Variants in TNNI3K observed in about 807,000 individuals in gnomAD.
TNNI3K encodes TNNI3 interacting kinase.
In TNNI3K, 140 loss-of-function variants were observed where a neutral mutation model predicts 114.5. The observed-to-expected ratio is 1.22, with a 90% CI of 1.07 to 1.41. The LOEUF (loss-of-function observed/expected upper bound fraction) is 1.41, where lower values mean the gene tolerates loss of function less well. Ranked by LOEUF, TNNI3K falls within the 40% of genes most tolerant of loss-of-function variation. The pLI is 0.00. For missense variants in TNNI3K, 1,125 were observed against 1,007.6 expected, an observed-to-expected ratio of 1.12 and a Z score of -1.58; for synonymous variants, 347 against 347.5, an observed-to-expected ratio of 1.00 and a Z score of 0.02.
At position 74,327,027 on chromosome 1, in the gene TNNI3K, G is replaced by A. The variant is rs182332781; in HGVS notation, c.445-4423G>A. Among the ~76,000 whole-genome samples the A allele has an allele frequency of 7.1e-3, 1,076 of 150,888 alleles. 10 individuals are homozygous for A. Among genetic ancestry groups the A allele is most frequent in the African/African-American group, 0.025 (1,031 of 40,968 alleles). ...ACCTGGGAGGTGGAGGTTGCAGTGA[G>A]CCGAGATTGCGCCACTGCACTTCAG... On this transcript the variant is annotated intron_variant, in intron 5 of 24. Coordinates refer to ENST00000326637, the MANE Select transcript of TNNI3K (RefSeq NM_015978.3).
intron 22 of TNNI3K, among the ~76,000 whole-genome samples, chr1:74,490,781 AT>A (rs1669031446): frequency 6.6e-6 from 1 of 152,248 alleles, no homozygotes; most frequent in Non-Finnish European, 1.5e-5. Flanking sequence ...GACAGAAAGT[AT>A]TTGAAAGCAG....
chr1:74,464,554 T>A (rs986912282), intron 21 of TNNI3K: 4 of 1,445,312 alleles, frequency 2.8e-6, no homozygotes, highest in Non-Finnish European at 3.6e-6. Flanking sequence ...TTTCAGGAAA[T>A]ATCTCACTCA....
chr1:74,397,218 G>T (rs997481283), intron 17 of TNNI3K, among the ~76,000 whole-genome samples: 1 of 151,554 alleles, frequency 6.6e-6, no homozygotes, highest in African/African-American at 2.4e-5. Flanking sequence ...AGAGACAGAA[G>T]AAGAAAATGA....
rs768997216 is a variant in TNNI3K, at chr1:74,354,026, C to A, written c.1074C>A (p.Phe358Leu). ...ACGGTCACATTCGCCTGGTTCAGTT[C>A]TTACTGGATAATGGAGCTGATATGA... is the stretch of plus-strand genomic sequence containing the variant. Reference protein sequence around the residue: ...CYHGHIRLVQFLLDNGADMNL... With the variant: ...CYHGHIRLVQLLLDNGADMNL... The change falls in exon 11 of 25, where the codon TTC (phenylalanine) becomes TTA (leucine). Residue 358 changes from phenylalanine to leucine, a missense_variant. By Grantham distance (22) the Phe-to-Leu change is conservative. Coordinates refer to ENST00000326637, the MANE Select transcript of TNNI3K (RefSeq NM_015978.3). 1.5e-5 allele frequency: 24 copies of A among 1,613,920 alleles called. No homozygotes were observed. In the South Asian group the frequency reaches 2.5e-4, roughly 17 times the overall value.
At chr1:74,305,583 C>A (rs1456936675) in intron 5 of TNNI3K, among the ~76,000 whole-genome samples, 1 of 152,132 alleles carries the variant, frequency 6.6e-6, no homozygotes, top group Non-Finnish European at 1.5e-5. Context: ...TTGAGCAAGG[C>A]AGCCGTCTTC....
chr1:74,329,720 A>G (rs1188278305), intron 5 of TNNI3K, among the ~76,000 whole-genome samples: 2 of 152,060 alleles, frequency 1.3e-5, no homozygotes, highest in Non-Finnish European at 2.9e-5. Context: ...TTAGTTTCCT[A>G]TTGACACTGA....
At chr1:74,282,269 A>G (rs561085701) in intron 5 of TNNI3K, among the ~76,000 whole-genome samples, 3 of 152,202 alleles carry the variant, frequency 2.0e-5, no homozygotes, top group East Asian at 1.9e-4. Context: ...CCCATCTGCT[A>G]CTTATCACTT....
chr1:74,345,033 G>A (rs986659483), intron 9 of TNNI3K, among the ~76,000 whole-genome samples: 1 of 151,834 alleles, frequency 6.6e-6, no homozygotes, highest in Admixed American at 6.6e-5. Flanking sequence ...GTGTGTGCAT[G>A]TATATATGTG....
At chr1:74,273,851 A>G (rs1243667259) in intron 5 of TNNI3K, among the ~76,000 whole-genome samples, 1 of 151,898 alleles carries the variant, frequency 6.6e-6, no homozygotes, top group African/African-American at 2.4e-5. Flanking sequence ...CTCTTCTTAT[A>G]TGGGGGACTA....
chr1:74,455,333 G>A lies in TNNI3K; in HGVS notation c.2012-8108G>A, dbSNP rs574292545. ...GATGATCCAGCAGAAAGCTGTATCAGCAAGGTCCAGAGGCCTGAGAAATCC... is the reference window on the plus strand; with the variant it reads ...GATGATCCAGCAGAAAGCTGTATCAACAAGGTCCAGAGGCCTGAGAAATCC... On this transcript the variant is annotated intron_variant, in intron 20 of 24. Transcript: ENST00000326637. Among the ~76,000 whole-genome samples, 5 of 152,260 alleles carry A rather than the reference G, an allele frequency of 3.3e-5. No homozygotes were observed. In the East Asian group the frequency reaches 7.7e-4, roughly 24 times the overall value.
intron 21 of TNNI3K, chr1:74,470,802 G>A (rs750726705): frequency 4.2e-5 from 17 of 400,500 alleles, no homozygotes; most frequent in Non-Finnish European, 7.1e-5. Flanking sequence ...ATTCCTTGTT[G>A]TAGCTGTCAG....
Position 74,464,909 on chromosome 1 carries a change from A to G in TNNI3K, c.2121+1359A>G. ...ATGCTTAAGAATGTTTGTTGAGTAA[A>G]TGAATGAATACCAGTATTGCCTATC... is the stretch of plus-strand genomic sequence containing the variant. On this transcript the variant is annotated intron_variant, in intron 21 of 24. Coordinates refer to ENST00000326637, the MANE Select transcript of TNNI3K (RefSeq NM_015978.3). 3.1e-6 allele frequency: 4 copies of G among 1,288,672 alleles called. No homozygotes were observed. The South Asian group carries it at 8.7e-5, about 28-fold the overall frequency. The allele number at this position is 1,288,672 out of a possible 1,614,324, so 79.8% of individuals were successfully genotyped here.
intron 17 of TNNI3K, among the ~76,000 whole-genome samples, chr1:74,431,523 G>A (rs931004617): frequency 3.9e-5 from 6 of 151,982 alleles, no homozygotes; most frequent in East Asian, 1.9e-4. Context: ...CTTAGCCTTC[G>A]CAGCAGAGAT....
At chr1:74,400,132 A>G (rs919028269) in intron 17 of TNNI3K, among the ~76,000 whole-genome samples, 1 of 152,150 alleles carries the variant, frequency 6.6e-6, no homozygotes, top group African/African-American at 2.4e-5. Context: ...ATGCAATCCT[A>G]TATTAATTAC....
chr1:74,347,008 T>C, intron 9 of TNNI3K, among the ~76,000 whole-genome samples: 1 of 151,936 alleles, frequency 6.6e-6, no homozygotes, highest in Non-Finnish European at 1.5e-5. Flanking sequence ...ATTATTATTA[T>C]TATTTTTCTA....
At chr1:74,501,447 T>G (rs761075030) in intron 23 of TNNI3K, among the ~76,000 whole-genome samples, 6 of 151,940 alleles carry the variant, frequency 3.9e-5, no homozygotes, top group Non-Finnish European at 8.8e-5. Context: ...CAACCAAAAC[T>G]TCAACTTGGA....
intron 21 of TNNI3K, chr1:74,471,673 CTATT>C: frequency 1.5e-5 from 6 of 400,718 alleles, no homozygotes; most frequent in Non-Finnish European, 4.4e-6. Flanking sequence ...CATCATCGAC[CTATT>C]TATTTCTACT....
At chr1:74,500,758 T>C (rs930543892) in intron 23 of TNNI3K, among the ~76,000 whole-genome samples, 3 of 151,866 alleles carry the variant, frequency 2.0e-5, no homozygotes, top group African/African-American at 7.2e-5. Flanking sequence ...AATTGTTCAG[T>C]TACTTTTTTC....
chr1:74,452,908 G>A (rs982268780), intron 20 of TNNI3K, among the ~76,000 whole-genome samples: 2 of 152,068 alleles, frequency 1.3e-5, no homozygotes, highest in African/African-American at 4.8e-5. Flanking sequence ...CTTTGTCAGA[G>A]ACACTCTTCT....
Sources: gnomAD v4.1 joint callset for allele counts (sites outside exome capture counted in the v4.1 genomes callset) on GRCh38, gnomAD v4.1.1 for gene constraint, MANE v1.5 for transcripts, NCBI Gene and HGNC (gene_info 2026-07-23, HGNC 2026-07-21) for gene names.